LRP2BP: variants seen among roughly 807,000 people sequenced by gnomAD.
LRP2BP encodes the protein LRP2 binding protein, also known as LRP2-binding protein.
A neutral mutation model predicts 45.2 loss-of-function variants in LRP2BP; 38 were observed. The observed-to-expected ratio is 0.84, with a 90% CI of 0.65 to 1.10. LRP2BP has a LOEUF of 1.10. Among genes scored for constraint, LRP2BP ranks in the 50% least tolerant of loss-of-function variants. The probability of loss-of-function intolerance (pLI) is 0.00; values close to 1 mark genes in which losing one functional copy is unlikely to be tolerated. For missense variants in LRP2BP, 385 were observed against 418.9 expected, an observed-to-expected ratio of 0.92 and a Z score of 0.71; for synonymous variants, 153 against 153.9, an observed-to-expected ratio of 0.99 and a Z score of 0.04.
intron 1 of LRP2BP, among the ~76,000 whole-genome samples, chr4:185,386,153 AAC>A (rs1254912650): frequency 3.3e-5 from 5 of 152,238 alleles, no homozygotes; most frequent in Non-Finnish European, 7.3e-5. Context: ...CAAAAAATAA[AAC>A]ACAAAACAAG....
chr4:185,396,046 C>G (rs920508812), upstream of LRP2BP: 4 of 302,346 alleles, frequency 1.3e-5, no homozygotes, highest in Non-Finnish European at 1.9e-5. Flanking sequence ...CCCGCGGGTC[C>G]GAATCGCACG....
At position 185,367,158 on chromosome 4, in the gene LRP2BP, C is replaced by T; in HGVS notation, c.*22G>A. The T allele has an allele frequency of 3.1e-6, 5 of 1,598,594 alleles. No individual in the cohort carries two copies. In the South Asian group the frequency reaches 5.6e-5, roughly 18 times the overall value. On this transcript the variant is annotated 3_prime_UTR_variant, in exon 9 of 9. Transcript: ENST00000505916. ...ATTGTGAGGTGTTAGCATTGATGAT[C>T]TTTGTTGAAATACATTGTGGTCTAA...
chr4:185,375,829 TAAC>T, intron 3 of LRP2BP, 103 bp from the exon 4 acceptor site: 1 of 583,884 alleles, frequency 1.7e-6, no homozygotes, highest in Non-Finnish European at 3.0e-6. Flanking sequence ...AACACACAGT[TAAC>T]AAGCAATGCA....
Position 185,369,227 on chromosome 4 carries a change from C to CTTTTTTT in LRP2BP, c.978+1406_978+1412dup, listed in dbSNP as rs35543353. On this transcript the variant is annotated intron_variant, in intron 8 of 8. Coordinates refer to ENST00000505916, the MANE Select transcript of LRP2BP (RefSeq NM_001377440.1). ...TTGGAAATTGATGTAATACAGAGAG[C>CTTTTTTT]TTTTTTTTTTTTTTTTTTTTTGAGA... is the stretch of plus-strand genomic sequence containing the variant. Among the ~76,000 whole-genome samples the CTTTTTTT allele has an allele frequency of 4.0e-5, 4 of 100,930 alleles. 1 individual carries two copies. The highest frequency in any genetic ancestry group is 8.5e-5 in the African/African-American group (2 of 23,656). The allele number at this position is 100,930 out of a possible 152,430, so 66.2% of individuals were successfully genotyped here.
At chr4:185,371,987 C>T (rs1199968114) in intron 7 of LRP2BP, among the ~76,000 whole-genome samples, 1 of 152,192 alleles carries the variant, frequency 6.6e-6, no homozygotes, top group African/African-American at 2.4e-5. Context: ...CTCCCCGACC[C>T]ACTGCTTTTA....
intron 1 of LRP2BP, among the ~76,000 whole-genome samples, chr4:185,394,027 G>C (rs1033971512): frequency 6.6e-6 from 1 of 152,150 alleles, no homozygotes; most frequent in African/African-American, 2.4e-5. Context: ...GGAAGGCCAA[G>C]GCAGGTGGAT....
rs2095377882 is a variant in LRP2BP, at chr4:185,364,019, C to T, written c.*3161G>A. The T allele has an allele frequency of 6.5e-6, 1 of 152,712 alleles. No homozygotes were observed. The highest frequency in any genetic ancestry group is 6.5e-5 in the Admixed American group (1 of 15,296). 9.5% of individuals were successfully genotyped at this position (152,712 alleles called of 1,614,324 possible). On this transcript the variant is annotated 3_prime_UTR_variant, in exon 9 of 9. Transcript: ENST00000505916. The stretch of plus-strand genomic sequence containing the variant: ...CTTATATCTCAAAGAGGTTGAAACT[C>T]TACAGGCTGTTCAAATATTTATCAA...
chr4:185,371,865 C>T (rs1203979166), intron 7 of LRP2BP, among the ~76,000 whole-genome samples: 1 of 152,050 alleles, frequency 6.6e-6, no homozygotes, highest in Non-Finnish European at 1.5e-5. Flanking sequence ...AGATGACTGC[C>T]CTGAGCTAGG....
chr4:185,395,662 A>T lies in LRP2BP; in HGVS notation c.-905T>A. On this transcript the variant is annotated 5_prime_UTR_variant, in exon 1 of 9. Transcript: ENST00000505916. ...AAATGCTTAAAACTACCCCTTGGGT[A>T]ACTAAGTATAACAACATAAACTTGC... is the stretch of plus-strand genomic sequence containing the variant. The T allele has an allele frequency of 1.0e-6, 1 of 984,646 alleles. No individual in the cohort carries two copies. The highest frequency in any genetic ancestry group is 1.1e-4 in the East Asian group (1 of 8,818). The allele number at this position is 984,646 out of a possible 1,614,324, so 61.0% of individuals were successfully genotyped here.
intron 8 of LRP2BP, among the ~76,000 whole-genome samples, chr4:185,368,438 A>G (rs1162751398): frequency 3.4e-5 from 5 of 148,468 alleles, no homozygotes; most frequent in Non-Finnish European, 6.1e-5. Flanking sequence ...CTCCCTCCCA[A>G]CCTGTTCCCT....
intron 8 of LRP2BP, 60 bp from the exon 9 acceptor site, chr4:185,367,305 T>A: frequency 9.0e-7 from 1 of 1,115,276 alleles, no homozygotes; most frequent in Non-Finnish European, 1.2e-6. Flanking sequence ...TCTTTCTTCT[T>A]TTTTTTTTTT....
intron 1 of LRP2BP, among the ~76,000 whole-genome samples, chr4:185,380,265 A>G (rs1452096103): frequency 1.3e-5 from 2 of 152,138 alleles, no homozygotes; most frequent in Non-Finnish European, 1.5e-5. Flanking sequence ...GGGATAATTT[A>G]TTTGTGTTTG....
chr4:185,396,713 G>A (rs111856363), upstream of LRP2BP: 7 of 583,286 alleles, frequency 1.2e-5, no homozygotes, highest in African/African-American at 3.8e-5. Flanking sequence ...CGGCCGTGGC[G>A]GGGCTGGACA....
chr4:185,384,399 C>T (rs953337586), intron 1 of LRP2BP, among the ~76,000 whole-genome samples: 9 of 152,036 alleles, frequency 5.9e-5, no homozygotes, highest in Non-Finnish European at 1.3e-4. Context: ...TAAAACACCA[C>T]CCTAGACTAT....
rs1561090963 is a variant in LRP2BP, at chr4:185,385,908, G to GGGGA, written c.-21-7702_-21-7701insTCCC. 1.3e-3 allele frequency among the ~76,000 whole-genome samples: 92 copies of GGGGA among 72,516 alleles called. 2 individuals carry two copies. The highest frequency in any genetic ancestry group is 3.1e-3 in the African/African-American group (89 of 28,890). 47.6% of individuals were successfully genotyped at this position (72,516 alleles called of 152,430 possible). A position where few individuals can be genotyped will look rare whatever the true frequency, so the allele number is the denominator to read the frequency against. On this transcript the variant is annotated intron_variant, in intron 1 of 8. Transcript: ENST00000505916. ...AGAGCAAGACTCTGTCTCGGGGAGGGGGGGGGGGAGATAAAGAAATAACAT... is the reference window on the plus strand; with the variant it reads ...AGAGCAAGACTCTGTCTCGGGGAGGGGGGAGGGGGGGGAGATAAAGAAATAACAT...
intron 1 of LRP2BP, among the ~76,000 whole-genome samples, chr4:185,380,157 TG>T (rs1323061654): frequency 6.6e-6 from 1 of 152,126 alleles, no homozygotes; most frequent in African/African-American, 2.4e-5. Flanking sequence ...ATGGATTTAC[TG>T]GGTATTTATT....
At chr4:185,395,966 G>T, upstream of LRP2BP, 1 of 947,226 alleles carries the variant, frequency 1.1e-6, no homozygotes, top group Non-Finnish European at 1.3e-6. Context: ...CGGAAGTCAG[G>T]TCATGTTCTA....
At position 185,395,403 on chromosome 4, in the gene LRP2BP, T is replaced by TGAA; in HGVS notation, c.-649_-647dup. 1.0e-6 allele frequency: 1 copy of TGAA among 985,456 alleles called. No homozygotes were observed. The highest frequency in any genetic ancestry group is 4.7e-5 in the South Asian group (1 of 21,290). The allele number at this position is 985,456 out of a possible 1,614,324, so 61.0% of individuals were successfully genotyped here. ...CTGAAAATGAACTTCTGTGCAAACC[T>TGAA]GAAGCTTCAACACGTGTTTTAAAAA... On this transcript the variant is annotated 5_prime_UTR_variant, in exon 1 of 9. Transcript: ENST00000505916.
intron 1 of LRP2BP, among the ~76,000 whole-genome samples, chr4:185,380,753 A>C (rs1256101891): frequency 6.6e-6 from 1 of 152,138 alleles, no homozygotes; most frequent in African/African-American, 2.4e-5. Flanking sequence ...CAGAGGCCCC[A>C]ATCTATTTCA....
Sources: gnomAD v4.1 joint callset for allele counts (sites outside exome capture counted in the v4.1 genomes callset) on GRCh38, gnomAD v4.1.1 for gene constraint, MANE v1.5 for transcripts, NCBI Gene and HGNC (gene_info 2026-07-23, HGNC 2026-07-21) for gene names.